Variants in PIK3CB observed in about 807,000 individuals in gnomAD.
PIK3CB encodes the protein phosphatidylinositol-4,5-bisphosphate 3-kinase catalytic subunit beta, also known as phosphatidylinositol 4,5-bisphosphate 3-kinase catalytic subunit beta isoform.
Under a neutral mutation model 136.8 loss-of-function variants are expected in PIK3CB, and 39 were observed. The ratio of observed to expected loss-of-function variants is 0.29; its 90% confidence interval spans 0.22 to 0.37. The LOEUF is 0.37. Ranked by LOEUF, PIK3CB falls within the 10% of genes least tolerant of loss-of-function variation. The pLI is 1.00. For missense variants in PIK3CB, 868 were observed against 1,275.4 expected, an observed-to-expected ratio of 0.68 and a Z score of 4.87; for synonymous variants, 428 against 436.6, an observed-to-expected ratio of 0.98 and a Z score of 0.25.
intron 10 of PIK3CB, among the ~76,000 whole-genome samples, chr3:138,710,164 A>G (rs1206013704): frequency 6.6e-6 from 1 of 152,130 alleles, no homozygotes; most frequent in Non-Finnish European, 1.5e-5. Flanking sequence ...AGCCTGGGTG[A>G]CAGGGTGAGG....
intron 11 of PIK3CB, among the ~76,000 whole-genome samples, chr3:138,706,280 T>G (rs577876027): frequency 6.6e-6 from 1 of 152,312 alleles, no homozygotes; most frequent in Admixed American, 6.5e-5. Flanking sequence ...ATAAAATATA[T>G]GACAGCTCAG....
At chr3:138,752,972 T>C (rs1354959229) in intron 4 of PIK3CB, among the ~76,000 whole-genome samples, 1 of 152,122 alleles carries the variant, frequency 6.6e-6, no homozygotes, top group Non-Finnish European at 1.5e-5. Flanking sequence ...TGGTAAATGT[T>C]GGGAAGGAGG....
At chr3:138,722,009 C>T (rs2044735191) in intron 8 of PIK3CB, among the ~76,000 whole-genome samples, 1 of 152,086 alleles carries the variant, frequency 6.6e-6, no homozygotes, top group African/African-American at 2.4e-5. Flanking sequence ...CATGTTTTCT[C>T]TTTGCCTTGT....
chr3:138,681,211 A>G (rs2043773912), intron 19 of PIK3CB, among the ~76,000 whole-genome samples: 1 of 151,244 alleles, frequency 6.6e-6, no homozygotes, highest in African/African-American at 2.4e-5. Context: ...ACGCCTGGCT[A>G]ACTTTTGTAT....
chr3:138,831,291 T>TAAATTAAATTAAATTA (rs1934026506), intron 1 of PIK3CB, among the ~76,000 whole-genome samples: 1 of 134,528 alleles, frequency 7.4e-6, no homozygotes, highest in African/African-American at 2.7e-5. Context: ...AAAATTAAAT[T>TAAATTAAATTAAATTA]AAATTAAAAT....
At chr3:138,830,547 C>G (rs1045238903) in intron 1 of PIK3CB, among the ~76,000 whole-genome samples, 8 of 151,590 alleles carry the variant, frequency 5.3e-5, no homozygotes, top group African/African-American at 1.9e-4. Context: ...AGCACGACTC[C>G]GTCTCAAACA....
chr3:138,701,289 C>T (rs1159179449), intron 12 of PIK3CB, among the ~76,000 whole-genome samples: 1 of 150,306 alleles, frequency 6.7e-6, no homozygotes, highest in Non-Finnish European at 1.5e-5. Context: ...GCTAAATATA[C>T]CTGACAATGA....
intron 19 of PIK3CB, among the ~76,000 whole-genome samples, chr3:138,671,788 G>A (rs894377053): frequency 4.6e-5 from 7 of 152,264 alleles, no homozygotes; most frequent in East Asian, 1.9e-4. Flanking sequence ...AAAGGGGCAC[G>A]ACAGCCTTTA....
chr3:138,672,776 G>A (rs1177741729), intron 19 of PIK3CB, among the ~76,000 whole-genome samples: 2 of 152,034 alleles, frequency 1.3e-5, no homozygotes, highest in African/African-American at 4.8e-5. Context: ...GCCGGGCGTG[G>A]TGGTGGGTTC....
Position 138,693,966 on chromosome 3 carries a change from TTATATATATATATATATATATATATA to T in PIK3CB, c.1892+794_1892+819del, listed in dbSNP as rs1290359773. 2.4e-4 allele frequency among the ~76,000 whole-genome samples: 10 copies of T among 42,406 alleles called. 1 individual carries two copies. The highest frequency in any genetic ancestry group is 1.4e-3 in the African/African-American group (10 of 7,380). The allele number at this position is 42,406 out of a possible 152,430, so 27.8% of individuals were successfully genotyped here. A position where few individuals can be genotyped will look rare whatever the true frequency, so the allele number is the denominator to read the frequency against. On this transcript the variant is annotated intron_variant, in intron 14 of 23. Coordinates refer to ENST00000674063, the MANE Select transcript of PIK3CB (RefSeq NM_006219.3). ...ATATATATATATATATATATATATATTATATATATATATATATATATATATATTTTAAACCCATGACAAAAATTAAC... is the reference window on the plus strand; with the variant it reads ...ATATATATATATATATATATATATATTTTTAAACCCATGACAAAAATTAAC...
chr3:138,729,248 T>C lies in PIK3CB; in HGVS notation c.1050+4113A>G, dbSNP rs1052318242. On this transcript the variant is annotated intron_variant, in intron 8 of 23. Transcript: ENST00000674063. ...GTGAGGTGAGATTGCGCCACTGCAC[T>C]CCAGCCTGGGTGACAGAGTGAGACT... is the stretch of plus-strand genomic sequence containing the variant. 2.7e-5 allele frequency among the ~76,000 whole-genome samples: 4 copies of C among 150,508 alleles called. No homozygotes were observed. The Admixed American group carries it at 2.7e-4, about 10-fold the overall frequency.
chr3:138,762,852 A>G (rs370003881), intron 2 of PIK3CB, among the ~76,000 whole-genome samples: 1 of 151,674 alleles, frequency 6.6e-6, no homozygotes, highest in African/African-American at 2.4e-5. Flanking sequence ...CCCAGCTACC[A>G]GGGAGGCTGA....
chr3:138,759,788 C>T (rs2045636557), intron 2 of PIK3CB, among the ~76,000 whole-genome samples: 1 of 152,120 alleles, frequency 6.6e-6, no homozygotes, highest in East Asian at 1.9e-4. Context: ...GGTGATTTTT[C>T]TCCAAACTTT....
In PIK3CB at chr3:138,733,411, G is replaced by T; in HGVS notation, c.1000C>A (p.Gln334Lys). The change falls in exon 8 of 24, where the codon CAA becomes AAA. Residue 334 changes from glutamine to lysine, a missense_variant. Coordinates refer to ENST00000674063, the MANE Select transcript of PIK3CB (RefSeq NM_006219.3). ...SHVWENNNPF[Q>K]IVLVKGNKLN... is the part of the protein sequence containing the mutation. ...TTATTTCCCTTAACCAAGACAATTTGGAAAGGGTTGTTATTTTCCCAAACA... is the reference window on the plus strand; with the variant it reads ...TTATTTCCCTTAACCAAGACAATTTTGAAAGGGTTGTTATTTTCCCAAACA... The T allele has an allele frequency of 6.4e-7, 1 of 1,556,782 alleles. No homozygotes were observed. The highest frequency in any genetic ancestry group is 8.8e-7 in the Non-Finnish European group (1 of 1,131,638).
intron 8 of PIK3CB, among the ~76,000 whole-genome samples, chr3:138,722,259 T>A (rs923398073): frequency 4.1e-5 from 6 of 145,944 alleles, no homozygotes; most frequent in Admixed American, 3.5e-4. Flanking sequence ...CACACACACG[T>A]GTGTAGGCTC....
At chr3:138,769,497 G>T (rs150307039) in intron 2 of PIK3CB, among the ~76,000 whole-genome samples, 1 of 152,086 alleles carries the variant, frequency 6.6e-6, no homozygotes, top group Non-Finnish European at 1.5e-5. Flanking sequence ...CAAATTTACC[G>T]AAGAGATATT....
At chr3:138,820,222 G>A (rs190607883) in intron 1 of PIK3CB, among the ~76,000 whole-genome samples, 98 of 152,054 alleles carry the variant, frequency 6.4e-4, no homozygotes, top group African/African-American at 2.0e-3. Flanking sequence ...AGCTAAAATC[G>A]TCCCCTGCTC....
At position 138,813,678 on chromosome 3, in the gene PIK3CB, A is replaced by G. The variant is rs148544253; in HGVS notation, c.-121-17111T>C. 3.9e-3 allele frequency among the ~76,000 whole-genome samples: 586 copies of G among 151,910 alleles called. 3 individuals are homozygous for G. Among genetic ancestry groups the G allele is most frequent in the African/African-American group, 0.013 (549 of 41,414 alleles). ...GTGATCTGCCCGCCTCGGTCTCCCAAAATGCTGGGATTACAGGCGTGAGCC... is the reference window on the plus strand; with the variant it reads ...GTGATCTGCCCGCCTCGGTCTCCCAGAATGCTGGGATTACAGGCGTGAGCC... On this transcript the variant is annotated intron_variant, in intron 1 of 23. Coordinates refer to ENST00000674063, the MANE Select transcript of PIK3CB (RefSeq NM_006219.3).
intron 2 of PIK3CB, chr3:138,778,737 A>T: frequency 3.8e-6 from 1 of 262,762 alleles, no homozygotes; most frequent in Non-Finnish European, 7.6e-6. Context: ...TACTTTGTCA[A>T]GCTCATTTCC....
Sources: gnomAD v4.1 joint callset for allele counts (sites outside exome capture counted in the v4.1 genomes callset) on GRCh38, gnomAD v4.1.1 for gene constraint, MANE v1.5 for transcripts, NCBI Gene and HGNC (gene_info 2026-07-23, HGNC 2026-07-21) for gene names.